GCN1: variants seen among roughly 807,000 people sequenced by gnomAD.
The protein encoded by GCN1 is GCN1 activator of EIF2AK4, also known as stalled ribosome sensor GCN1.
GCN1 carries 90 observed loss-of-function variants against 288.4 expected under a neutral mutation model. That is an observed-to-expected ratio of 0.31 (90% CI 0.26 to 0.37). GCN1 has a LOEUF of 0.37. Among genes scored for constraint, GCN1 ranks in the 10% least tolerant of loss-of-function variants. The pLI is 1.00. For synonymous variants in GCN1, 1,386 were observed against 1,420.2 expected (o/e 0.98, Z 0.54); for missense variants, 2,586 against 3,419.9 (o/e 0.76, Z 6.08).
Position 120,182,291 on chromosome 12 carries a change from C to T in GCN1, c.426+1278G>A, listed in dbSNP as rs925877426. Among the ~76,000 whole-genome samples the T allele has an allele frequency of 4.6e-5, 7 of 152,280 alleles. No individual in the cohort carries two copies. In the East Asian group the frequency reaches 5.8e-4, roughly 13 times the overall value. On this transcript the variant is annotated intron_variant, in intron 5 of 57. Transcript: ENST00000300648. ...TCCAAGAGAGTCCCAGCTCACAATACGTAATCCTTGACCCTCAAGGTTTCA... is the reference window on the plus strand; with the variant it reads ...TCCAAGAGAGTCCCAGCTCACAATATGTAATCCTTGACCCTCAAGGTTTCA...
intron 15 of GCN1, 26 bp from the exon 16 acceptor site, chr12:120,168,326 C>T (rs367755066): frequency 7.1e-5 from 94 of 1,328,770 alleles, no homozygotes; most frequent in Admixed American, 1.3e-4. Flanking sequence ...GGTTACCCCA[C>T]GACGCAGCTC....
At chr12:120,168,574 T>C (rs534480832) in intron 15 of GCN1, among the ~76,000 whole-genome samples, 1 of 152,340 alleles carries the variant, frequency 6.6e-6, no homozygotes, top group African/African-American at 2.4e-5. Flanking sequence ...CTGGAATACC[T>C]GAGGTTTACA....
At position 120,155,166 on chromosome 12, in the gene GCN1, A is replaced by G. The variant is rs1594271789; in HGVS notation, c.3630+75T>C. The G allele has an allele frequency of 3.9e-6, 6 of 1,540,496 alleles. No homozygotes were observed. The East Asian group carries it at 1.1e-4, about 29-fold the overall frequency. On this transcript the variant is annotated intron_variant, in intron 30 of 57. Coordinates refer to ENST00000300648, the MANE Select transcript of GCN1 (RefSeq NM_006836.2). The surrounding 1 kb of genome is among the most constrained non-coding windows in gnomAD (Gnocchi z 4.9). ...CGTGAGCCCCGAGATTCCTGTCTGG[A>G]GCAGTAGCGGGGTGAGCAGAGACCC...
intron 14 of GCN1, among the ~76,000 whole-genome samples, chr12:120,171,997 G>A (rs537238515): frequency 3.3e-4 from 50 of 152,150 alleles, no homozygotes; most frequent in Non-Finnish European, 6.8e-4. Context: ...GTGTAGCTGG[G>A]ACCACAGGCA....
intron 57 of GCN1, 63 bp downstream of exon 57, chr12:120,129,213 C>T (rs1224319009): frequency 8.4e-7 from 1 of 1,191,678 alleles, no homozygotes; most frequent in Non-Finnish European, 1.3e-6. Flanking sequence ...TATTTCCATG[C>T]TGAAGAAGAG....
At chr12:120,148,483 G>A in intron 36 of GCN1, 137 bp from the exon 37 acceptor site, 1 of 680,344 alleles carries the variant, frequency 1.5e-6, no homozygotes, top group Non-Finnish European at 2.4e-6. Flanking sequence ...GAGGAGGGGA[G>A]AGGGGGCTGG....
intron 45 of GCN1, 95 bp downstream of exon 45, chr12:120,140,764 C>T (rs1877162498): frequency 1.2e-5 from 14 of 1,212,052 alleles, no homozygotes; most frequent in Non-Finnish European, 1.6e-5. Flanking sequence ...CAGCACAAAC[C>T]CCCTAGAGGT....
chr12:120,185,366 G>A (rs1253885220), intron 2 of GCN1, among the ~76,000 whole-genome samples: 1 of 152,188 alleles, frequency 6.6e-6, no homozygotes, highest in East Asian at 1.9e-4. Flanking sequence ...AAAGTCTGAA[G>A]GACACATAAG....
At chr12:120,148,409 G>C in intron 36 of GCN1, 63 bp from the exon 37 acceptor site, 1 of 1,384,230 alleles carries the variant, frequency 7.2e-7, no homozygotes, top group Admixed American at 1.9e-5. Context: ...ACTCACCTGT[G>C]CTGGCTACAT....
In GCN1 at chr12:120,182,393, C is replaced by A. The variant is rs551918823; in HGVS notation, c.426+1176G>T. 3.3e-5 allele frequency among the ~76,000 whole-genome samples: 5 copies of A among 152,252 alleles called. No homozygotes were observed. The South Asian group carries it at 1.0e-3, about 32-fold the overall frequency. On this transcript the variant is annotated intron_variant, in intron 5 of 57. Coordinates refer to ENST00000300648, the MANE Select transcript of GCN1 (RefSeq NM_006836.2). ...CCCCAGAGGTGCGCTGGATAAGCTC[C>A]CAGGGATGCAGCCCTCTATCTAACC... is the stretch of plus-strand genomic sequence containing the variant.
At chr12:120,133,918 G>A (rs1876911739) in intron 53 of GCN1, among the ~76,000 whole-genome samples, 1 of 152,072 alleles carries the variant, frequency 6.6e-6, no homozygotes, top group Non-Finnish European at 1.5e-5. Context: ...AAAAGTACAA[G>A]TATTAGCTGG....
intron 33 of GCN1, among the ~76,000 whole-genome samples, chr12:120,152,389 G>GCA (rs59756164): frequency 0.13 from 15,518 of 116,412 alleles, 824 homozygotes; most frequent in East Asian, 0.37. Context: ...ACACACACGC[G>GCA]CACACACACA....
At chr12:120,136,779 C>T in intron 50 of GCN1, 47 bp from the exon 51 acceptor site, 3 of 1,434,130 alleles carry the variant, frequency 2.1e-6, no homozygotes, top group Non-Finnish European at 2.9e-6. Flanking sequence ...ACACCCTGGG[C>T]CCTGGTGTCT....
intron 36 of GCN1, among the ~76,000 whole-genome samples, chr12:120,149,153 C>G (rs144445565): frequency 6.6e-6 from 1 of 152,136 alleles, no homozygotes; most frequent in Non-Finnish European, 1.5e-5. Flanking sequence ...GATATCCTGA[C>G]TTAGGGTTGT....
At chr12:120,146,147 A>T (rs1877353961) in intron 38 of GCN1, among the ~76,000 whole-genome samples, 1 of 151,582 alleles carries the variant, frequency 6.6e-6, no homozygotes, top group South Asian at 2.1e-4. Context: ...GGCGGCTGTA[A>T]TCCCAGCTAC....
chr12:120,176,175 T>G lies in GCN1; in HGVS notation c.881A>C (p.Gln294Pro), dbSNP rs773737328. The change falls in exon 10 of 58, where the codon CAG (glutamine) becomes CCG (proline). Residue 294 changes from glutamine (Q) to proline (P), a missense_variant. By Grantham distance (76) the Gln-to-Pro change is moderately conservative. Transcript: ENST00000300648. ...LLASVTLDLS[Q>P]YAMDIVKGLA... is the part of the protein sequence containing the mutation. The stretch of plus-strand genomic sequence containing the variant: ...TCCTTTCACGATGTCCATGGCATAC[T>G]GGCTGAGGTCAAGCGTCACTGATGC... 1 of 1,612,668 alleles carries G rather than the reference T, an allele frequency of 6.2e-7. No individual in the cohort carries two copies. Among genetic ancestry groups the G allele is most frequent in the African/African-American group, 1.3e-5 (1 of 75,040 alleles).
intron 2 of GCN1, among the ~76,000 whole-genome samples, chr12:120,185,426 T>C (rs917768790): frequency 1.3e-5 from 2 of 152,092 alleles, no homozygotes; most frequent in African/African-American, 2.4e-5. Context: ...GAGAGGGAGA[T>C]ACATGTAGAG....
At chr12:120,164,974 TATATAC>T (rs968293841) in intron 16 of GCN1, among the ~76,000 whole-genome samples, 5 of 146,728 alleles carry the variant, frequency 3.4e-5, no homozygotes, top group Admixed American at 6.9e-5. Flanking sequence ...TATACACATA[TATATAC>T]ATATACATAT....
chr12:120,167,618 A>G (rs1361081460), intron 16 of GCN1, among the ~76,000 whole-genome samples: 3 of 152,134 alleles, frequency 2.0e-5, no homozygotes, highest in Admixed American at 2.0e-4. Context: ...ACCCTCTTGT[A>G]TCTATTTTTG....
Sources: gnomAD v4.1 joint callset for allele counts (sites outside exome capture counted in the v4.1 genomes callset) on GRCh38, gnomAD v4.1.1 for gene constraint, Gnocchi (gnomAD v3.1) non-coding constraint, MANE v1.5 for transcripts, NCBI Gene and HGNC (gene_info 2026-07-23, HGNC 2026-07-21) for gene names.